Variants in CCM2 observed in about 807,000 individuals in gnomAD.
The protein encoded by CCM2 is CCM2 scaffold protein.
CCM2 carries 25 observed loss-of-function variants against 44.9 expected under a neutral mutation model. The ratio of observed to expected loss-of-function variants is 0.56; its 90% CI spans 0.41 to 0.78. CCM2 has a LOEUF of 0.78. Ranked by LOEUF, CCM2 falls within the 30% of genes least tolerant of loss-of-function variation. The probability of loss-of-function intolerance (pLI) is 0.00; values close to 1 mark genes in which losing one functional copy is unlikely to be tolerated. For synonymous variants in CCM2, 219 were observed against 241.1 expected, an observed-to-expected ratio of 0.91 and a Z score of 0.85; for missense variants, 481 against 580.6, an observed-to-expected ratio of 0.83 and a Z score of 1.76.
At chr7:45,000,980 A>G (rs948393016) in intron 1 of CCM2, among the ~76,000 whole-genome samples, 2 of 152,216 alleles carry the variant, frequency 1.3e-5, no homozygotes, top group African/African-American at 4.8e-5. Context: ...GACTGGAAAA[A>G]CGATGTGGAT....
rs769878206 is a variant in CCM2, at chr7:45,000,306, G to C, written c.-28G>C. The C allele has an allele frequency of 6.4e-6, 8 of 1,253,794 alleles. No individual in the cohort carries two copies. In the South Asian group the frequency reaches 1.8e-4, roughly 28 times the overall value. 77.7% of individuals were successfully genotyped at this position (1,253,794 alleles called of 1,614,324 possible). A position where few individuals can be genotyped will look rare whatever the true frequency, so the allele number is the denominator to read the frequency against. On this transcript the variant is annotated 5_prime_UTR_variant, in exon 1 of 10. Coordinates refer to ENST00000258781, the MANE Select transcript of CCM2 (RefSeq NM_031443.4). ...CGGCGGGGCTCCCGGGGCGGGCCGG[G>C]CGGGCCGCGGGAGCCGCACGCGGCG... is the stretch of plus-strand genomic sequence containing the variant.
chr7:45,064,287 G>A (rs1481743800), intron 3 of CCM2, among the ~76,000 whole-genome samples, 176 bp from the exon 4 acceptor site: 1 of 152,212 alleles, frequency 6.6e-6, no homozygotes, highest in African/African-American at 2.4e-5. Context: ...CTCCCAAATG[G>A]TTTGAACACA....
chr7:45,011,222 G>A (rs1796054373), intron 1 of CCM2, among the ~76,000 whole-genome samples: 1 of 150,846 alleles, frequency 6.6e-6, no homozygotes. Flanking sequence ...TTGAGACGGA[G>A]TCTCACTCTT....
intron 2 of CCM2, among the ~76,000 whole-genome samples, chr7:45,049,503 C>T (rs1009043111): frequency 6.6e-6 from 1 of 152,158 alleles, no homozygotes. Context: ...CTTGATTTAT[C>T]GCCGAGTGTT....
chr7:45,067,952 A>G lies in CCM2; in HGVS notation c.473-491A>G, dbSNP rs562816923. 1.9e-4 allele frequency: 41 copies of G among 215,690 alleles called. No homozygotes were observed. In the South Asian group the frequency reaches 2.9e-3, roughly 15 times the overall value. The allele number at this position is 215,690 out of a possible 1,614,324, so 13.4% of individuals were successfully genotyped here. On this transcript the variant is annotated intron_variant, in intron 4 of 9. Transcript: ENST00000258781. ...GGAAAACCACTGAGTTACTCCATGT[A>G]TTTCAGGAGAACCTCATTTGTCTAG...
intron 2 of CCM2, among the ~76,000 whole-genome samples, chr7:45,046,448 T>C (rs758628597): frequency 2.5e-4 from 38 of 152,190 alleles, no homozygotes; most frequent in African/African-American, 2.2e-4. Context: ...TCCACACATA[T>C]ATGCCCAGCT....
At chr7:45,073,236 C>G in intron 7 of CCM2, 1 of 604,522 alleles carries the variant, frequency 1.7e-6, no homozygotes, top group South Asian at 1.9e-5. Flanking sequence ...CCTCTCTTCA[C>G]TCAGAGCCCA....
chr7:45,045,715 C>T (rs1024666940), intron 2 of CCM2, among the ~76,000 whole-genome samples: 6 of 152,110 alleles, frequency 3.9e-5, no homozygotes, highest in African/African-American at 9.7e-5. Context: ...AGCATGAACC[C>T]GGGAGGCGGA....
At chr7:45,016,885 G>A (rs541847332) in intron 1 of CCM2, among the ~76,000 whole-genome samples, 34 of 152,102 alleles carry the variant, frequency 2.2e-4, no homozygotes, top group African/African-American at 6.5e-4. Flanking sequence ...TGACTGTCTC[G>A]GCCTTCCAAA....
intron 1 of CCM2, among the ~76,000 whole-genome samples, chr7:45,034,764 G>C (rs1797138391): frequency 6.6e-6 from 1 of 151,886 alleles, no homozygotes; most frequent in Admixed American, 6.6e-5. Context: ...CAAGTGATCT[G>C]CCTGCCTCAC....
intron 1 of CCM2, among the ~76,000 whole-genome samples, chr7:45,036,853 G>C (rs1797242079): frequency 6.6e-6 from 1 of 152,130 alleles, no homozygotes; most frequent in Non-Finnish European, 1.5e-5. Context: ...GGGGGTCTGA[G>C]CTTGGCCTAC....
At chr7:45,027,753 A>G (rs761216215) in intron 1 of CCM2, 19 of 1,614,210 alleles carry the variant, frequency 1.2e-5, no homozygotes, top group Non-Finnish European at 1.5e-5. Flanking sequence ...CTCCAAAGAA[A>G]TTCCTCAAAC....
chr7:45,002,580 C>T (rs542433709), intron 1 of CCM2, among the ~76,000 whole-genome samples: 4 of 151,036 alleles, frequency 2.6e-5, no homozygotes, highest in East Asian at 1.9e-4. Flanking sequence ...TTTTTTACCT[C>T]GGCCCATTTT....
Position 45,063,943 on chromosome 7 carries a change from C to A in CCM2, c.230C>A (p.Pro77Gln). The part of the protein sequence containing the change: ...VKYLGQLTSI[P>Q]GYLNPSSRTE... Reference sequence around the variant, plus strand: ...TATTTAGGTCAGTTAACGTCCATACCAGGATACCTGAATCCCTCCAGTAGG... The same window carrying A: ...TATTTAGGTCAGTTAACGTCCATACAAGGATACCTGAATCCCTCCAGTAGG... Residue 77 changes from proline to glutamine, a missense_variant, in exon 3 of 10, where the codon CCA (proline) becomes CAA (glutamine). Pro to Gln is a moderately conservative substitution (Grantham distance 76, BLOSUM62 -1). Coordinates refer to ENST00000258781, the MANE Select transcript of CCM2 (RefSeq NM_031443.4). The A allele has an allele frequency of 8.1e-6, 13 of 1,613,014 alleles. No individual in the cohort carries two copies. Among genetic ancestry groups the A allele is most frequent in the Non-Finnish European group, 1.1e-5 (13 of 1,179,088 alleles).
At chr7:45,042,147 G>A (rs910404561) in intron 2 of CCM2, among the ~76,000 whole-genome samples, 1 of 151,792 alleles carries the variant, frequency 6.6e-6, no homozygotes. Context: ...GGTGGCACAC[G>A]CCTGTAATCT....
At chr7:45,015,796 C>T (rs1016478732) in intron 1 of CCM2, among the ~76,000 whole-genome samples, 4 of 152,208 alleles carry the variant, frequency 2.6e-5, no homozygotes, top group Non-Finnish European at 5.9e-5. Context: ...GAGCTCATCT[C>T]TGGACATGCT....
In CCM2 at chr7:45,064,628, C is replaced by T. The variant is rs542622667; in HGVS notation, c.454C>T (p.Leu152=). Residue 152 remains leucine, a synonymous_variant, in exon 4 of 10, where the codon CTG becomes TTG. Transcript: ENST00000258781. ...CTATGTTCGGGATGACGCTGCACACCTGGTGGTCCTGAAGACAGGTACAGG... is the reference window on the plus strand; with the variant it reads ...CTATGTTCGGGATGACGCTGCACACTTGGTGGTCCTGAAGACAGGTACAGG... The part of the protein sequence containing the change: ...VSYVRDDAAH[L]VVLKTAQDPG... 2.5e-6 allele frequency: 4 copies of T among 1,613,936 alleles called. No homozygotes were observed. The Admixed American group carries it at 5.0e-5, about 20-fold the overall frequency.
chr7:45,045,023 G>A (rs1373891982), intron 2 of CCM2, among the ~76,000 whole-genome samples: 1 of 152,164 alleles, frequency 6.6e-6, no homozygotes, highest in Non-Finnish European at 1.5e-5. Flanking sequence ...AATTATTTGT[G>A]GCCTGTCTTT....
chr7:45,046,439 C>T (rs12531817), intron 2 of CCM2, among the ~76,000 whole-genome samples: 20,070 of 152,164 alleles, frequency 0.13, 1,625 homozygotes, highest in Admixed American at 0.2. Flanking sequence ...AGAAACAGAT[C>T]CACACATATA....
Sources: allele counts gnomAD v4.1 joint callset (sites outside exome capture counted in the v4.1 genomes callset), GRCh38; gene constraint gnomAD v4.1.1; transcripts MANE v1.5; gene names NCBI Gene and HGNC (gene_info 2026-07-23, HGNC 2026-07-21).